The following CTSO variants were observed in gnomAD, a reference collection of about 807,000 sequenced individuals.
CTSO encodes cathepsin O.
CTSO carries 40 observed loss-of-function variants against 42.4 expected under a neutral mutation model. The observed-to-expected ratio is 0.94, with a 90% CI of 0.73 to 1.23. The LOEUF is 1.23. Ranked by LOEUF, CTSO falls within the 50% of genes most tolerant of loss-of-function variation. The pLI is 0.00. For synonymous variants in CTSO, 156 were observed against 146.2 expected (o/e 1.07, Z -0.48); for missense variants, 441 against 396.0 (o/e 1.11, Z -0.96).
intron 1 of CTSO, among the ~76,000 whole-genome samples, chr4:155,946,329 G>A (rs1304632329): frequency 1.3e-5 from 2 of 152,058 alleles, no homozygotes; most frequent in East Asian, 1.9e-4. Context: ...TAGGTGTTCC[G>A]GTTGTGAAGT....
At chr4:155,937,661 C>T (rs1214950763) in intron 4 of CTSO, among the ~76,000 whole-genome samples, 178 bp from the exon 5 acceptor site, 1 of 151,852 alleles carries the variant, frequency 6.6e-6, no homozygotes, top group Non-Finnish European at 1.5e-5. Flanking sequence ...GTTGCTCAGG[C>T]TGGAGTGCAG....
chr4:155,949,935 A>G (rs1045459110), intron 1 of CTSO, among the ~76,000 whole-genome samples: 1 of 152,200 alleles, frequency 6.6e-6, no homozygotes, highest in Non-Finnish European at 1.5e-5. Context: ...CCCACAACAA[A>G]TCACTATCCA....
chr4:155,928,803 A>G (rs1743178099), intron 6 of CTSO, among the ~76,000 whole-genome samples: 1 of 152,216 alleles, frequency 6.6e-6, no homozygotes, highest in Admixed American at 6.5e-5. Flanking sequence ...ACAGTTTTAT[A>G]TCAACAAAAA....
intron 1 of CTSO, among the ~76,000 whole-genome samples, chr4:155,948,557 T>C (rs1319203882): frequency 1.3e-5 from 2 of 152,214 alleles, no homozygotes; most frequent in Non-Finnish European, 2.9e-5. Context: ...AGAGTAGTCA[T>C]GAAACATCCC....
chr4:155,941,777 C>T (rs1743433839), intron 3 of CTSO, among the ~76,000 whole-genome samples: 1 of 152,144 alleles, frequency 6.6e-6, no homozygotes, highest in African/African-American at 2.4e-5. Flanking sequence ...ACTTTTAAGG[C>T]CCACAGATTC....
chr4:155,928,358 G>A lies in CTSO; in HGVS notation c.909C>T (p.Val303=). 6.2e-7 allele frequency: 1 copy of A among 1,611,638 alleles called. No individual in the cohort carries two copies. The highest frequency in any genetic ancestry group is 8.5e-7 in the Non-Finnish European group (1 of 1,178,538). Residue 303 remains valine (V), a synonymous_variant, in exon 7 of 8, where the codon GTC becomes GTT. Coordinates refer to ENST00000433477, the MANE Select transcript of CTSO (RefSeq NM_001334.3). ...SSWGVDGYAH[V]KMGSNVCGIA... Reference sequence around the variant, plus strand: ...TACCACAAACATTACTTCCCATTTTGACATGGGCATAACCATCTACTCCCC... The same window carrying A: ...TACCACAAACATTACTTCCCATTTTAACATGGGCATAACCATCTACTCCCC...
chr4:155,944,955 T>A (rs899997185), intron 1 of CTSO, among the ~76,000 whole-genome samples: 27 of 117,592 alleles, frequency 2.3e-4, no homozygotes, highest in South Asian at 5.9e-4. Flanking sequence ...TGTGATTGAT[T>A]AAAAAAAAAA....
intron 3 of CTSO, among the ~76,000 whole-genome samples, chr4:155,941,567 C>A (rs958470283): frequency 7.2e-5 from 11 of 152,188 alleles, no homozygotes; most frequent in African/African-American, 2.7e-4. Flanking sequence ...ATTTCTTAAT[C>A]AGTAAACATG....
chr4:155,932,940 C>T (rs1743261328), intron 5 of CTSO, among the ~76,000 whole-genome samples: 1 of 152,114 alleles, frequency 6.6e-6, no homozygotes, highest in Admixed American at 6.5e-5. Context: ...GGGAATCCTC[C>T]TAGACTCTCT....
At chr4:155,939,762 T>C (rs1358345367) in intron 3 of CTSO, among the ~76,000 whole-genome samples, 1 of 152,218 alleles carries the variant, frequency 6.6e-6, no homozygotes, top group Non-Finnish European at 1.5e-5. Flanking sequence ...ATTATTACTA[T>C]TCTAAATTTG....
chr4:155,942,992 T>A (rs1411376303), intron 2 of CTSO, among the ~76,000 whole-genome samples, 164 bp downstream of exon 2: 1 of 152,176 alleles, frequency 6.6e-6, no homozygotes, highest in African/African-American at 2.4e-5. Context: ...TGGCCATGAA[T>A]TTATTTTCTT....
rs1484260638 is a variant in CTSO, at chr4:155,929,541, C to A, written c.838+1G>T. ...GTCAACTGAGTCTTATCAGCACTTA[C>A]CTGTTTTATCAAACCCAGTTATGAG... On this transcript the variant is annotated splice_donor_variant, in intron 6 of 7. Coordinates refer to ENST00000433477, the MANE Select transcript of CTSO (RefSeq NM_001334.3). LOFTEE classifies it high-confidence loss of function. 1 of 1,611,384 alleles carries A rather than the reference C, an allele frequency of 6.2e-7. No homozygotes were observed. Among genetic ancestry groups the A allele is most frequent in the Admixed American group, 1.7e-5 (1 of 59,726 alleles).
At chr4:155,948,808 G>T (rs1743593417) in intron 1 of CTSO, among the ~76,000 whole-genome samples, 1 of 152,176 alleles carries the variant, frequency 6.6e-6, no homozygotes, top group South Asian at 2.1e-4. Context: ...GCTAGGGTAA[G>T]TTAAGAGGAA....
intron 1 of CTSO, among the ~76,000 whole-genome samples, chr4:155,947,955 C>G (rs923373262): frequency 6.6e-6 from 1 of 152,158 alleles, no homozygotes; most frequent in Non-Finnish European, 1.5e-5. Flanking sequence ...CTCATTGATA[C>G]TTTTGAAAAG....
chr4:155,935,127 T>A (rs919801046), intron 5 of CTSO, among the ~76,000 whole-genome samples: 2 of 152,130 alleles, frequency 1.3e-5, no homozygotes, highest in Admixed American at 6.5e-5. Flanking sequence ...AGTGAATAAG[T>A]CTCACAAGAT....
chr4:155,937,704 T>A (rs1376655529), intron 4 of CTSO, among the ~76,000 whole-genome samples: 1 of 152,020 alleles, frequency 6.6e-6, no homozygotes, highest in Non-Finnish European at 1.5e-5. Context: ...AATCTCCACC[T>A]CCTGGGCACC....
At chr4:155,951,601 CA>C (rs1250458107) in intron 1 of CTSO, among the ~76,000 whole-genome samples, 1 of 152,142 alleles carries the variant, frequency 6.6e-6, no homozygotes, top group East Asian at 1.9e-4. Context: ...AAGATTAAAA[CA>C]AATTTTAAAA....
chr4:155,947,811 A>G (rs1475014113), intron 1 of CTSO, among the ~76,000 whole-genome samples: 1 of 152,212 alleles, frequency 6.6e-6, no homozygotes, highest in African/African-American at 2.4e-5. Context: ...CATGTTCTCA[A>G]CAGAGGATAT....
intron 1 of CTSO, 107 bp from the exon 2 acceptor site, chr4:155,943,371 T>G: frequency 1.7e-6 from 1 of 597,340 alleles, no homozygotes; most frequent in Non-Finnish European, 3.0e-6. Context: ...TAAAGCTTGA[T>G]TTCCTTCAGA....
Sources: allele counts gnomAD v4.1 joint callset (sites outside exome capture counted in the v4.1 genomes callset), GRCh38; gene constraint gnomAD v4.1.1; transcripts MANE v1.5; gene names NCBI Gene and HGNC (gene_info 2026-07-23, HGNC 2026-07-21).